STPG2: variants seen among roughly 807,000 people sequenced by gnomAD.
The protein encoded by STPG2 is sperm tail PG-rich repeat containing 2.
Under a neutral mutation model 54.2 loss-of-function variants are expected in STPG2, and 56 were observed. That is an observed-to-expected ratio of 1.03 (90% CI 0.83 to 1.29). The LOEUF (loss-of-function observed/expected upper bound fraction) is 1.29, where lower values mean the gene tolerates loss of function less well. Ranked by LOEUF, STPG2 falls within the 50% of genes most tolerant of loss-of-function variation. STPG2 has a pLI of 0.00. For synonymous variants in STPG2, 200 were observed against 181.8 expected (o/e 1.10, Z -0.81); for missense variants, 596 against 544.9 (o/e 1.09, Z -0.93).
intron 9 of STPG2, among the ~76,000 whole-genome samples, chr4:97,798,045 G>GT (rs1578573736): frequency 6.6e-6 from 1 of 152,010 alleles, no homozygotes; most frequent in Non-Finnish European, 1.5e-5. Context: ...CCTCTTTATC[G>GT]TTTTTTATTG....
chr4:97,781,330 GA>G (rs1404229633), intron 9 of STPG2, among the ~76,000 whole-genome samples: 2 of 152,148 alleles, frequency 1.3e-5, no homozygotes, highest in African/African-American at 4.8e-5. Context: ...AGAAAATCTA[GA>G]AGAAATGGCT....
intron 3 of STPG2, among the ~76,000 whole-genome samples, chr4:98,123,245 T>C (rs540160468): frequency 6.6e-6 from 1 of 152,222 alleles, no homozygotes; most frequent in Non-Finnish European, 1.5e-5. Flanking sequence ...AGGGTTTGTT[T>C]GCTCTCGATT....
chr4:97,714,571 A>G (rs1225215412), intron 9 of STPG2, among the ~76,000 whole-genome samples: 1 of 152,188 alleles, frequency 6.6e-6, no homozygotes, highest in African/African-American at 2.4e-5. Flanking sequence ...GTGTTTTTGC[A>G]AATGCCATCT....
At chr4:98,075,508 G>A (rs911558885) in intron 5 of STPG2, among the ~76,000 whole-genome samples, 1 of 152,196 alleles carries the variant, frequency 6.6e-6, no homozygotes, top group African/African-American at 2.4e-5. Flanking sequence ...TTCAGAGAAT[G>A]TCAGGTTAAC....
At chr4:97,492,055 A>G (rs1730514281) in intron 4 of STPG2, among the ~76,000 whole-genome samples, 1 of 151,478 alleles carries the variant, frequency 6.6e-6, no homozygotes, top group Non-Finnish European at 1.5e-5. Context: ...TTACAATGCT[A>G]TAGCAATTTT....
chr4:97,806,256 T>G, intron 9 of STPG2, among the ~76,000 whole-genome samples: 1 of 152,146 alleles, frequency 6.6e-6, no homozygotes, highest in East Asian at 1.9e-4. Flanking sequence ...CAAAGTTAAT[T>G]AATTCAGAAG....
At chr4:98,125,728 T>C (rs984192757) in intron 3 of STPG2, among the ~76,000 whole-genome samples, 20 of 152,272 alleles carry the variant, frequency 1.3e-4, no homozygotes, top group Middle Eastern at 3.4e-3. Context: ...GAATCCCCCT[T>C]GTCTAGACTG....
intron 10 of STPG2, among the ~76,000 whole-genome samples, chr4:97,580,523 T>C (rs1026556608): frequency 1.4e-5 from 2 of 142,390 alleles, no homozygotes; most frequent in African/African-American, 6.0e-5. Flanking sequence ...TTTCACCCTC[T>C]CTGTCTCTCT....
At chr4:97,843,222 C>G (rs1728854160) in intron 8 of STPG2, among the ~76,000 whole-genome samples, 1 of 150,822 alleles carries the variant, frequency 6.6e-6, no homozygotes, top group South Asian at 2.1e-4. Context: ...TTTCTCATAC[C>G]AATATTTAAA....
At chr4:97,672,189 T>TG (rs1397687222) in intron 10 of STPG2, among the ~76,000 whole-genome samples, 6 of 144,526 alleles carry the variant, frequency 4.2e-5, no homozygotes, top group African/African-American at 1.6e-4. Context: ...TTTTTTTTTT[T>TG]TGAGATGGAG....
chr4:97,737,342 C>T (rs577747808), intron 9 of STPG2, among the ~76,000 whole-genome samples: 44 of 152,252 alleles, frequency 2.9e-4, no homozygotes, highest in Non-Finnish European at 5.1e-4. Context: ...TCACCAGCAA[C>T]GGAACAAAGC....
chr4:97,690,446 A>G (rs1401856574), intron 10 of STPG2, among the ~76,000 whole-genome samples: 1 of 152,170 alleles, frequency 6.6e-6, no homozygotes, highest in Non-Finnish European at 1.5e-5. Context: ...ATACTAATAT[A>G]GTACCACCAA....
chr4:98,084,139 G>A (rs560543139), intron 5 of STPG2, among the ~76,000 whole-genome samples: 3 of 152,132 alleles, frequency 2.0e-5, no homozygotes, highest in African/African-American at 7.2e-5. Flanking sequence ...CTATCTGCCT[G>A]CCCTGTTTTC....
chr4:97,536,216 T>C (rs1731527414), intron 4 of STPG2, among the ~76,000 whole-genome samples: 1 of 152,172 alleles, frequency 6.6e-6, no homozygotes, highest in African/African-American at 2.4e-5. Context: ...CTTAACATGA[T>C]TTCTTGAGTT....
At chr4:97,889,441 G>C (rs972234733) in intron 8 of STPG2, among the ~76,000 whole-genome samples, 1 of 152,126 alleles carries the variant, frequency 6.6e-6, no homozygotes, top group Non-Finnish European at 1.5e-5. Flanking sequence ...CAGATGAACA[G>C]ATAAAGAAAG....
intron 8 of STPG2, among the ~76,000 whole-genome samples, chr4:97,935,909 C>A (rs1732730603): frequency 6.6e-6 from 1 of 152,090 alleles, no homozygotes; most frequent in South Asian, 2.1e-4. Context: ...AGATCCAGAG[C>A]TGAGCACAAG....
chr4:97,741,071 T>C (rs148655115), intron 9 of STPG2, among the ~76,000 whole-genome samples: 12,628 of 152,074 alleles, frequency 0.083, 667 homozygotes, highest in South Asian at 0.21. Flanking sequence ...TATCTACAAC[T>C]ATCTGATCTT....
intron 10 of STPG2, among the ~76,000 whole-genome samples, chr4:97,686,304 C>A (rs567196839): frequency 6.6e-6 from 1 of 151,250 alleles, no homozygotes; most frequent in Non-Finnish European, 1.5e-5. Flanking sequence ...GTCTATTGAT[C>A]CTGGAGGGCT....
At chr4:98,096,484 A>G (rs1000640392) in intron 5 of STPG2, among the ~76,000 whole-genome samples, 1 of 152,158 alleles carries the variant, frequency 6.6e-6, no homozygotes, top group Non-Finnish European at 1.5e-5. Context: ...TAAGAAGAGG[A>G]AAGTTTATAG....
Sources: gnomAD v4.1 joint callset for allele counts (sites outside exome capture counted in the v4.1 genomes callset) on GRCh38, gnomAD v4.1.1 for gene constraint, MANE v1.5 for transcripts, NCBI Gene and HGNC (gene_info 2026-07-23, HGNC 2026-07-21) for gene names.